The following CDH13 variants were observed in gnomAD, a reference collection of about 807,000 sequenced individuals.
CDH13 encodes the protein cadherin 13, also known as cadherin-13.
Under a neutral mutation model 63.8 loss-of-function variants are expected in CDH13, and 24 were observed. The ratio of observed to expected loss-of-function variants is 0.38; its 90% CI spans 0.27 to 0.53. The LOEUF (loss-of-function observed/expected upper bound fraction) is 0.53, where lower values mean the gene tolerates loss of function less well. Ranked by LOEUF, CDH13 falls within the 20% of genes least tolerant of loss-of-function variation. CDH13 has a pLI of 0.85. For missense variants in CDH13, 1,049 were observed against 903.1 expected (o/e 1.16, Z -2.07); for synonymous variants, 503 against 355.3 (o/e 1.42, Z -4.67).
At chr16:83,040,907 C>A (rs1203719396) in intron 3 of CDH13, among the ~76,000 whole-genome samples, 1 of 152,172 alleles carries the variant, frequency 6.6e-6, no homozygotes, top group African/African-American at 2.4e-5. Context: ...AGTCCTCCAT[C>A]CATGCCCAAC....
intron 1 of CDH13, among the ~76,000 whole-genome samples, chr16:82,671,200 A>G (rs560954008): frequency 2.6e-5 from 4 of 152,366 alleles, no homozygotes; most frequent in African/African-American, 7.2e-5. Flanking sequence ...AATAAAGTAA[A>G]TGAAAAAAGA....
chr16:82,711,269 C>G (rs191383256), intron 1 of CDH13, among the ~76,000 whole-genome samples: 1 of 152,134 alleles, frequency 6.6e-6, no homozygotes, highest in Non-Finnish European at 1.5e-5. Context: ...GTGAAGAGCC[C>G]TTCATCATCT....
chr16:83,399,054 A>G lies in CDH13; in HGVS notation c.781+54048A>G, dbSNP rs148074268. On this transcript the variant is annotated intron_variant, in intron 6 of 13. Transcript: ENST00000567109. ...GCCATAGACCATTCAAATGCTTTAT[A>G]TCCTAAAAAGGATACAAAGACCATC... Among the ~76,000 whole-genome samples the G allele has an allele frequency of 2.6e-3, 390 of 152,340 alleles. 6 individuals are homozygous for G. Among genetic ancestry groups the G allele is most frequent in the East Asian group, 0.016 (85 of 5,186 alleles).
intron 5 of CDH13, among the ~76,000 whole-genome samples, chr16:83,319,605 A>C (rs2090177569): frequency 6.6e-6 from 1 of 152,258 alleles, no homozygotes; most frequent in Non-Finnish European, 1.5e-5. Context: ...ATTTAGAACA[A>C]GGAGAATAAG....
At chr16:83,590,844 A>G (rs140253327) in intron 7 of CDH13, among the ~76,000 whole-genome samples, 4 of 151,530 alleles carry the variant, frequency 2.6e-5, no homozygotes, top group African/African-American at 4.9e-5. Flanking sequence ...GAACCTTCTG[A>G]ATCATAAATG....
chr16:82,789,023 G>A (rs1241874805), intron 1 of CDH13, among the ~76,000 whole-genome samples: 7 of 152,198 alleles, frequency 4.6e-5, no homozygotes, highest in Non-Finnish European at 1.0e-4. Flanking sequence ...CCTCTGGGTT[G>A]CAAAGGAGGT....
In CDH13 at chr16:82,864,824, T is replaced by C. The variant is rs980346419; in HGVS notation, c.157+6351T>C. On this transcript the variant is annotated intron_variant, in intron 2 of 13. Coordinates refer to ENST00000567109, the MANE Select transcript of CDH13 (RefSeq NM_001257.5). ...ATTCATTCTGGCATTAACCCAAAGG[T>C]CCAAGTCCAAAGTCTCAACTGAGAC... Among the ~76,000 whole-genome samples, 8 of 152,054 alleles carry C rather than the reference T, an allele frequency of 5.3e-5. No individual in the cohort carries two copies. The South Asian group carries it at 1.2e-3, about 24-fold the overall frequency.
chr16:82,636,744 C>G (rs901955698), intron 1 of CDH13, among the ~76,000 whole-genome samples: 3 of 152,274 alleles, frequency 2.0e-5, no homozygotes, highest in African/African-American at 7.2e-5. Flanking sequence ...TAAAGAAACA[C>G]CCAAACCAGA....
rs780864155 is a variant in CDH13 at position 83,092,038 on chromosome 16, C to G, written c.367-33347C>G. Among the ~76,000 whole-genome samples, 42 of 152,328 alleles carry G rather than the reference C, an allele frequency of 2.8e-4. No homozygotes were observed. The Middle Eastern group carries it at 0.02, about 74-fold the overall frequency. On this transcript the variant is annotated intron_variant, in intron 3 of 13. Transcript: ENST00000567109. Reference sequence around the variant, plus strand: ...ATTAAAAATTTATTTTGAAAATCCTCTAAGTTCTAATTCACTTGACATTAT... The same window carrying G: ...ATTAAAAATTTATTTTGAAAATCCTGTAAGTTCTAATTCACTTGACATTAT...
In CDH13 at chr16:83,057,552, G is replaced by C. The variant is rs1013778989; in HGVS notation, c.366+25334G>C. Among the ~76,000 whole-genome samples, 33 of 150,662 alleles carry C rather than the reference G, an allele frequency of 2.2e-4. 1 individual carries two copies. The highest frequency in any genetic ancestry group is 7.6e-4 in the African/African-American group (31 of 40,810). On this transcript the variant is annotated intron_variant, in intron 3 of 13. Transcript: ENST00000567109. ...TAATTGGATGACTCCCGCTTTTATT[G>C]AGTTAGCAAGTATCTTTTACTGCCA...
At chr16:82,839,867 A>G (rs1313078486) in intron 1 of CDH13, among the ~76,000 whole-genome samples, 3 of 152,174 alleles carry the variant, frequency 2.0e-5, no homozygotes, top group Admixed American at 2.0e-4. Flanking sequence ...CTATTTTTCC[A>G]TAAGAAAAAT....
chr16:82,791,237 CAAAAA>C (rs3046482), intron 1 of CDH13, among the ~76,000 whole-genome samples: 10 of 103,382 alleles, frequency 9.7e-5, no homozygotes, highest in Admixed American at 1.0e-4. Context: ...ACTCCGTCTC[CAAAAA>C]AAAAAAAAAA....
At chr16:83,780,951 T>C (rs777838428) in intron 12 of CDH13, among the ~76,000 whole-genome samples, 13 of 152,196 alleles carry the variant, frequency 8.5e-5, no homozygotes, top group Non-Finnish European at 1.8e-4. Context: ...GAAAGAGAAG[T>C]GCTAGGATAA....
At chr16:82,863,883 G>C (rs928957019) in intron 2 of CDH13, among the ~76,000 whole-genome samples, 1 of 76,860 alleles carries the variant, frequency 1.3e-5, no homozygotes, top group Non-Finnish European at 2.5e-5. Context: ...ATTGATGAGA[G>C]TGTATTTTAA....
intron 7 of CDH13, among the ~76,000 whole-genome samples, chr16:83,554,233 G>A (rs2075561849): frequency 6.6e-6 from 1 of 152,096 alleles, no homozygotes. Flanking sequence ...AAAAAAAATA[G>A]GCAATGGAGG....
intron 5 of CDH13, among the ~76,000 whole-genome samples, chr16:83,230,023 C>T (rs2039957972): frequency 6.6e-6 from 1 of 152,128 alleles, no homozygotes; most frequent in Non-Finnish European, 1.5e-5. Context: ...TTGATTGTGT[C>T]CTCCTTCAAT....
At chr16:82,972,799 G>C (rs539370284) in intron 2 of CDH13, among the ~76,000 whole-genome samples, 1 of 152,278 alleles carries the variant, frequency 6.6e-6, no homozygotes, top group Admixed American at 6.5e-5. Context: ...GAAAGAGCTT[G>C]TCAAGCTCTT....
rs142232466 is a variant in CDH13 at position 83,127,454 on chromosome 16, G to A, written c.483+1953G>A. Among the ~76,000 whole-genome samples the A allele has an allele frequency of 4.7e-3, 710 of 152,312 alleles. 4 individuals carry two copies. The highest frequency in any genetic ancestry group is 7.0e-3 in the Non-Finnish European group (476 of 68,016). On this transcript the variant is annotated intron_variant, in intron 4 of 13. Coordinates refer to ENST00000567109, the MANE Select transcript of CDH13 (RefSeq NM_001257.5). ...ACTATTGAAAATTGATCTTGGACGGGCATGGTGGTTCACGCCTGTAATCCC... is the reference window on the plus strand; with the variant it reads ...ACTATTGAAAATTGATCTTGGACGGACATGGTGGTTCACGCCTGTAATCCC...
At chr16:82,908,902 G>A (rs2041734031) in intron 2 of CDH13, among the ~76,000 whole-genome samples, 1 of 152,138 alleles carries the variant, frequency 6.6e-6, no homozygotes, top group Admixed American at 6.6e-5. Context: ...TGAAAATACA[G>A]TATTCATAAG....
Sources: gnomAD v4.1 joint callset for allele counts (sites outside exome capture counted in the v4.1 genomes callset) on GRCh38, gnomAD v4.1.1 for gene constraint, MANE v1.5 for transcripts, NCBI Gene and HGNC (gene_info 2026-07-23, HGNC 2026-07-21) for gene names.